PDE10A: variants seen among roughly 807,000 people sequenced by gnomAD.
PDE10A encodes cAMP and cAMP-inhibited cGMP 3',5'-cyclic phosphodiesterase 10A.
A neutral mutation model predicts 97.7 loss-of-function variants in PDE10A; 39 were observed. The ratio of observed to expected loss-of-function variants is 0.40; its 90% CI spans 0.31 to 0.52. The LOEUF (loss-of-function observed/expected upper bound fraction) is 0.52. Ranked by LOEUF, PDE10A falls within the 20% of genes least tolerant of loss-of-function variation. The probability of loss-of-function intolerance (pLI) is 0.56; values close to 1 mark genes in which losing one functional copy is unlikely to be tolerated. For missense variants in PDE10A, 731 were observed against 1,047.8 expected (o/e 0.70, Z 4.17); for synonymous variants, 371 against 376.8 (o/e 0.98, Z 0.18).
chr6:165,811,002 G>A (rs532665011), intron 1 of PDE10A, among the ~76,000 whole-genome samples: 1 of 152,312 alleles, frequency 6.6e-6, no homozygotes, highest in African/African-American at 2.4e-5. Flanking sequence ...CAGGCTGGCA[G>A]ATCACAAGGT....
chr6:165,374,404 G>A (rs1050382279), intron 18 of PDE10A, among the ~76,000 whole-genome samples: 5 of 151,850 alleles, frequency 3.3e-5, no homozygotes, highest in African/African-American at 1.2e-4. Context: ...AAAGAAATAT[G>A]TGTAATATAT....
At chr6:165,680,374 G>T (rs539281206) in intron 1 of PDE10A, among the ~76,000 whole-genome samples, 17 of 152,336 alleles carry the variant, frequency 1.1e-4, no homozygotes, top group Admixed American at 8.5e-4. Flanking sequence ...GAGAGGAAAT[G>T]AGATGTTCTC....
chr6:165,813,413 C>T (rs1018880593), intron 1 of PDE10A, among the ~76,000 whole-genome samples: 1 of 148,090 alleles, frequency 6.8e-6, no homozygotes, highest in African/African-American at 2.5e-5. Flanking sequence ...GGAGACGTGA[C>T]CGTCTGCTAC....
intron 1 of PDE10A, among the ~76,000 whole-genome samples, chr6:165,889,629 T>C (rs953192710): frequency 6.6e-6 from 1 of 152,178 alleles, no homozygotes; most frequent in Admixed American, 6.5e-5. Context: ...CCTAGGCTTC[T>C]CCTGTTCTTG....
In PDE10A at chr6:165,767,260, C is replaced by T. The variant is rs535589061; in HGVS notation, c.-615+220269G>A. Reference sequence around the variant, plus strand: ...CAAGAGTTGTTTATGTAAATGTATACTTGTTTTAAAAATATTTCATTGAGA... The same window carrying T: ...CAAGAGTTGTTTATGTAAATGTATATTTGTTTTAAAAATATTTCATTGAGA... On this transcript the variant is annotated intron_variant, in intron 1 of 19. Transcript: ENST00000366882. Among the ~76,000 whole-genome samples the T allele has an allele frequency of 1.6e-3, 245 of 152,286 alleles. 1 individual carries two copies. Among genetic ancestry groups the T allele is most frequent in the African/African-American group, 5.7e-3 (238 of 41,552 alleles).
intron 1 of PDE10A, among the ~76,000 whole-genome samples, chr6:165,789,329 T>A (rs1229653288): frequency 6.6e-6 from 1 of 152,254 alleles, no homozygotes; most frequent in Non-Finnish European, 1.5e-5. Context: ...AGTCTTAAAC[T>A]TTGCCAGAGA....
chr6:165,742,572 G>A (rs1441996133), intron 1 of PDE10A, among the ~76,000 whole-genome samples: 1 of 152,094 alleles, frequency 6.6e-6, no homozygotes, highest in African/African-American at 2.4e-5. Context: ...GTGGGCTCGG[G>A]TCACTGACTA....
At chr6:165,648,338 G>A (rs1789511346) in intron 1 of PDE10A, among the ~76,000 whole-genome samples, 1 of 151,556 alleles carries the variant, frequency 6.6e-6, no homozygotes, top group Admixed American at 6.6e-5. Flanking sequence ...TAACACATCA[G>A]ACCATCCACT....
At chr6:165,710,555 T>C (rs1253919823) in intron 1 of PDE10A, among the ~76,000 whole-genome samples, 1 of 152,216 alleles carries the variant, frequency 6.6e-6, no homozygotes, top group Non-Finnish European at 1.5e-5. Flanking sequence ...CACTTTTCGT[T>C]TTGTATTTTA....
chr6:165,627,246 G>A (rs1369373117), intron 1 of PDE10A, among the ~76,000 whole-genome samples: 3 of 152,136 alleles, frequency 2.0e-5, no homozygotes, highest in Non-Finnish European at 2.9e-5. Flanking sequence ...TAACATACAG[G>A]CATAAGCCAC....
chr6:165,714,007 A>T (rs962689434), intron 1 of PDE10A, among the ~76,000 whole-genome samples: 2 of 152,224 alleles, frequency 1.3e-5, no homozygotes, highest in Admixed American at 1.3e-4. Context: ...TACACTGCCC[A>T]TGTATAGGGA....
intron 1 of PDE10A, among the ~76,000 whole-genome samples, chr6:165,737,149 C>T (rs1204103200): frequency 6.6e-6 from 1 of 152,118 alleles, no homozygotes; most frequent in East Asian, 1.9e-4. Context: ...AATCAGTAAT[C>T]AAAAGTCTCC....
rs1791899960 is a variant in PDE10A, at chr6:165,711,716, A to G, written c.-614-168148T>C. Among the ~76,000 whole-genome samples, 1 of 152,222 alleles carries G rather than the reference A, an allele frequency of 6.6e-6. No homozygotes were observed. The highest frequency in any genetic ancestry group is 2.1e-4 in the South Asian group (1 of 4,832). ...CTGAGCTACGTTCAGCTCAGGCACA[A>G]GCCTGTTCAGAACAACCCAGGAACT... On this transcript the variant is annotated intron_variant, in intron 1 of 19. Coordinates refer to the PDE10A transcript ENST00000366882. This position sits in a 1 kb window ranked among gnomAD's most constrained non-coding sequence, Gnocchi z 4.5.
chr6:165,625,065 G>A (rs913074362), intron 1 of PDE10A, among the ~76,000 whole-genome samples: 1 of 152,184 alleles, frequency 6.6e-6, no homozygotes, highest in Non-Finnish European at 1.5e-5. Flanking sequence ...CAATGCACTT[G>A]ACCCAGTGAG....
In PDE10A at chr6:165,671,755, A is replaced by G. The variant is rs191656423; in HGVS notation, c.-614-128187T>C. ...ATATCATATATATGTGTGTGTTTAC[A>G]TATATACAGTGTGTGTGTGCTTTAT... On this transcript the variant is annotated intron_variant, in intron 1 of 19. Transcript: ENST00000366882. This position sits in a 1 kb window ranked among gnomAD's most constrained non-coding sequence, Gnocchi z 4.6. Among the ~76,000 whole-genome samples, 1 of 152,262 alleles carries G rather than the reference A, an allele frequency of 6.6e-6. No individual in the cohort carries two copies. Among genetic ancestry groups the G allele is most frequent in the Admixed American group, 6.5e-5 (1 of 15,300 alleles).
chr6:165,717,125 G>A lies in PDE10A; in HGVS notation c.-614-173557C>T, dbSNP rs140438478. On this transcript the variant is annotated intron_variant, in intron 1 of 19. Coordinates refer to the PDE10A transcript ENST00000366882. ...TTATGTGACTGATTTATTTCACTTA[G>A]CACAATGTTCTCAAGATTCATCCAT... Among the ~76,000 whole-genome samples the A allele has an allele frequency of 2.0e-3, 304 of 152,258 alleles. 1 individual carries two copies. The highest frequency in any genetic ancestry group is 3.4e-3 in the Admixed American group (52 of 15,284).
chr6:165,808,607 G>A (rs1173211902), intron 1 of PDE10A, among the ~76,000 whole-genome samples: 7 of 152,172 alleles, frequency 4.6e-5, no homozygotes, highest in African/African-American at 9.7e-5. Flanking sequence ...GCTCTGTGGC[G>A]GGAGAGGAAT....
intron 1 of PDE10A, among the ~76,000 whole-genome samples, chr6:165,788,518 CAAAA>C (rs56927613): frequency 3.3e-3 from 247 of 74,744 alleles, no homozygotes; most frequent in Middle Eastern, 0.026. Flanking sequence ...AACTCTGTCT[CAAAA>C]AAAAAAAAAA....
At chr6:165,779,501 G>C (rs1778288652) in intron 1 of PDE10A, among the ~76,000 whole-genome samples, 1 of 152,160 alleles carries the variant, frequency 6.6e-6, no homozygotes, top group Non-Finnish European at 1.5e-5. Context: ...ATTTGTCATT[G>C]CCAAGCGGCC....
Sources: allele counts gnomAD v4.1 joint callset (sites outside exome capture counted in the v4.1 genomes callset), GRCh38; gene constraint gnomAD v4.1.1; non-coding constraint Gnocchi (gnomAD v3.1); transcripts MANE v1.5; gene names NCBI Gene and HGNC (gene_info 2026-07-23, HGNC 2026-07-21).